The following NBEA variants were observed in gnomAD, a reference collection of about 807,000 sequenced individuals.
The protein encoded by NBEA is lysosomal-trafficking regulator 2.
In NBEA, 44 loss-of-function variants were observed where a neutral mutation model predicts 343.4. The ratio of observed to expected loss-of-function variants is 0.13; its 90% CI spans 0.10 to 0.16. The LOEUF is 0.16. Ranked by LOEUF, NBEA falls within the 10% of genes least tolerant of loss-of-function variation. The pLI is 1.00. For synonymous variants in NBEA, 1,175 were observed against 1,238.7 expected (o/e 0.95, Z 1.08); for missense variants, 2,555 against 3,631.3 (o/e 0.70, Z 7.62).
At chr13:35,440,212 G>C (rs1294938890) in intron 39 of NBEA, among the ~76,000 whole-genome samples, 1 of 152,128 alleles carries the variant, frequency 6.6e-6, no homozygotes, top group East Asian at 1.9e-4. Context: ...TATACAAACA[G>C]ATTTTAACCA....
intron 38 of NBEA, among the ~76,000 whole-genome samples, chr13:35,380,230 A>ACGTT (rs369283110): frequency 3.3e-5 from 5 of 151,602 alleles, no homozygotes; most frequent in Non-Finnish European, 7.4e-5. Flanking sequence ...GAATCACCTG[A>ACGTT]GGTCAGGAGC....
chr13:35,355,878 T>A (rs2152869112), intron 38 of NBEA, among the ~76,000 whole-genome samples: 1 of 152,164 alleles, frequency 6.6e-6, no homozygotes, highest in African/African-American at 2.4e-5. Context: ...TTCCTCCAAA[T>A]ATTTTATATT....
intron 12 of NBEA, among the ~76,000 whole-genome samples, chr13:35,110,485 A>T (rs1468136199): frequency 6.6e-6 from 1 of 152,152 alleles, no homozygotes; most frequent in Non-Finnish European, 1.5e-5. Flanking sequence ...ACTGAAATGT[A>T]CTTTAAGAGC....
intron 45 of NBEA, among the ~76,000 whole-genome samples, chr13:35,573,694 G>A (rs1269638160): frequency 1.3e-5 from 2 of 152,126 alleles, no homozygotes; most frequent in African/African-American, 4.8e-5. Context: ...TATAGAGCCT[G>A]TTTTGCTTTG....
chr13:35,151,114 T>TAAAA (rs11450264), intron 18 of NBEA, among the ~76,000 whole-genome samples: 1 of 134,824 alleles, frequency 7.4e-6, no homozygotes, highest in Non-Finnish European at 1.6e-5. Context: ...ACACTGGCTC[T>TAAAA]AAAAAAAAAA....
At chr13:35,641,594 A>G (rs548290954) in intron 49 of NBEA, among the ~76,000 whole-genome samples, 52 of 152,320 alleles carry the variant, frequency 3.4e-4, no homozygotes, top group African/African-American at 1.3e-3. Context: ...GTATAACTCA[A>G]TTTATCAAAA....
At chr13:35,236,303 C>A (rs2075225539) in intron 34 of NBEA, among the ~76,000 whole-genome samples, 1 of 152,148 alleles carries the variant, frequency 6.6e-6, no homozygotes, top group South Asian at 2.1e-4. Flanking sequence ...CCCAACTAGT[C>A]TTTATCTTCT....
chr13:35,211,395 G>A (rs979878787), intron 33 of NBEA, among the ~76,000 whole-genome samples: 5 of 152,162 alleles, frequency 3.3e-5, no homozygotes, highest in Admixed American at 1.3e-4. Context: ...AATGTTCACT[G>A]TCGTATAGTG....
At position 35,482,907 on chromosome 13, in the gene NBEA, A is replaced by G. The variant is rs181572753; in HGVS notation, c.6585+10371A>G. On this transcript the variant is annotated intron_variant, in intron 41 of 58. Transcript: ENST00000379939. ...TTCATGCCCTGATTTCATTATTTTTATTTGGAAATTTTATGATTAATGTAT... is the reference window on the plus strand; with the variant it reads ...TTCATGCCCTGATTTCATTATTTTTGTTTGGAAATTTTATGATTAATGTAT... Among the ~76,000 whole-genome samples the G allele has an allele frequency of 1.5e-3, 230 of 151,824 alleles. 2 individuals are homozygous for G. Among genetic ancestry groups the G allele is most frequent in the African/African-American group, 5.2e-3 (216 of 41,518 alleles).
intron 1 of NBEA, among the ~76,000 whole-genome samples, chr13:34,994,393 T>C (rs1281927803): frequency 6.6e-6 from 1 of 151,988 alleles, no homozygotes; most frequent in African/African-American, 2.4e-5. Flanking sequence ...GGGAGATTTA[T>C]TTCAAATGAA....
chr13:34,942,743 G>T lies in NBEA; in HGVS notation c.-78G>T, dbSNP rs1266003346. 9 of 1,186,922 alleles carry T rather than the reference G, an allele frequency of 7.6e-6. No homozygotes were observed. Among genetic ancestry groups the T allele is most frequent in the Admixed American group, 8.5e-5 (2 of 23,438 alleles). 73.5% of individuals were successfully genotyped at this position (1,186,922 alleles called of 1,614,324 possible). Reference sequence around the variant, plus strand: ...TGGGGCTCCGAGGCGACGGCCGGGGGGCGGGGGCCGAGGCAGGTATAACGG... The same window carrying T: ...TGGGGCTCCGAGGCGACGGCCGGGGTGCGGGGGCCGAGGCAGGTATAACGG... On this transcript the variant is annotated 5_prime_UTR_variant, in exon 1 of 59. Coordinates refer to ENST00000379939, the MANE Select transcript of NBEA (RefSeq NM_001385012.1).
chr13:35,469,021 C>T (rs2075523049), intron 40 of NBEA, among the ~76,000 whole-genome samples: 1 of 144,754 alleles, frequency 6.9e-6, no homozygotes, highest in African/African-American at 2.6e-5. Context: ...ATCGCTTGAG[C>T]TCGGGGGGCA....
rs1374363784 is a variant in NBEA at position 35,432,288 on chromosome 13, C to T, written c.6199C>T (p.Arg2067Cys). ...VSHSQLHDFW[R>C]LDYWEDDLRR... ...TCTTAGCCAATTGCATGATTTCTGG[C>T]GTTTGGATTACTGGGAAGATGATCT... The change falls in exon 39 of 59, where the codon CGT (arginine) becomes TGT (cysteine). Residue 2067 changes from arginine (R) to cysteine (C), a missense_variant. By Grantham distance (180) the Arg-to-Cys change is radical. Transcript: ENST00000379939. 6.9e-6 allele frequency: 11 copies of T among 1,600,280 alleles called. No individual in the cohort carries two copies. Among genetic ancestry groups the T allele is most frequent in the South Asian group, 4.5e-5 (4 of 88,658 alleles).
intron 26 of NBEA, among the ~76,000 whole-genome samples, chr13:35,171,689 CAA>C (rs930121319): frequency 2.0e-5 from 3 of 151,918 alleles, no homozygotes; most frequent in African/African-American, 7.2e-5. Flanking sequence ...AGTTTGAAAT[CAA>C]GAGTGAAATA....
chr13:35,051,313 A>C (rs1052414503), intron 6 of NBEA, among the ~76,000 whole-genome samples: 12 of 152,042 alleles, frequency 7.9e-5, no homozygotes, highest in Non-Finnish European at 1.3e-4. Context: ...TTAATGGTAC[A>C]ATCATAACAG....
Position 35,461,789 on chromosome 13 carries a change from C to A in NBEA, c.6448+9554C>A, listed in dbSNP as rs544440465. Among the ~76,000 whole-genome samples the A allele has an allele frequency of 2.0e-5, 3 of 152,270 alleles. No individual in the cohort carries two copies. The East Asian group carries it at 5.8e-4, about 29-fold the overall frequency. ...TTAGAATAGTGCTATACAGAAGGATCAATAAGTCTTTCTGCATACTGAAAA... is the reference window on the plus strand; with the variant it reads ...TTAGAATAGTGCTATACAGAAGGATAAATAAGTCTTTCTGCATACTGAAAA... On this transcript the variant is annotated intron_variant, in intron 40 of 58. Transcript: ENST00000379939.
intron 44 of NBEA, among the ~76,000 whole-genome samples, chr13:35,563,404 G>T (rs1158248241): frequency 4.0e-5 from 6 of 151,548 alleles, no homozygotes; most frequent in Non-Finnish European, 8.9e-5. Context: ...TTTCACAAAG[G>T]TGTTCAGTAA....
chr13:35,392,723 G>T (rs1317950282), intron 38 of NBEA, among the ~76,000 whole-genome samples: 1 of 152,196 alleles, frequency 6.6e-6, no homozygotes, highest in Non-Finnish European at 1.5e-5. Context: ...GATCAAAGCT[G>T]CCGTGAGACC....
intron 1 of NBEA, among the ~76,000 whole-genome samples, chr13:34,947,436 C>T (rs148241306): frequency 6.6e-6 from 1 of 152,142 alleles, no homozygotes; most frequent in East Asian, 1.9e-4. Flanking sequence ...GTCTAACAGA[C>T]CCAGTGCCCG....
Sources: gnomAD v4.1 joint callset for allele counts (sites outside exome capture counted in the v4.1 genomes callset) on GRCh38, gnomAD v4.1.1 for gene constraint, MANE v1.5 for transcripts, NCBI Gene and HGNC (gene_info 2026-07-23, HGNC 2026-07-21) for gene names.